Variants in CARD9 observed in about 807,000 individuals in gnomAD.
CARD9 encodes the protein caspase recruitment domain family member 9.
CARD9 carries 53 observed loss-of-function variants against 66.0 expected under a neutral mutation model. The ratio of observed to expected loss-of-function variants is 0.80; its 90% CI spans 0.64 to 1.01. CARD9 has a LOEUF of 1.01. Ranked by LOEUF, CARD9 falls within the 50% of genes least tolerant of loss-of-function variation. The pLI is 0.00. For synonymous variants in CARD9, 387 were observed against 313.8 expected, an observed-to-expected ratio of 1.23 and a Z score of -2.47; for missense variants, 769 against 743.2, an observed-to-expected ratio of 1.03 and a Z score of -0.40.
chr9:136,372,324 C>T (rs931116568), intron 1 of CARD9, among the ~76,000 whole-genome samples: 3 of 152,202 alleles, frequency 2.0e-5, no homozygotes, highest in African/African-American at 7.2e-5. Flanking sequence ...CAGCCGAGGG[C>T]CCCTCCGCAG....
At chr9:136,365,445 C>A (rs539742460) in intron 10 of CARD9, 1 of 578,204 alleles carries the variant, frequency 1.7e-6, no homozygotes, top group Non-Finnish European at 3.1e-6. Flanking sequence ...CCAGGCCCAA[C>A]GCTCCCGCCA....
chr9:136,367,539 A>G lies in CARD9; in HGVS notation c.1269+98T>C, dbSNP rs3812556. 261,473 of 1,396,278 alleles carry G rather than the reference A, an allele frequency of 0.19. 24,884 individuals are homozygous for G. Among genetic ancestry groups the G allele is most frequent in the East Asian group, 0.24 (9,422 of 39,998 alleles). The allele number at this position is 1,396,278 out of a possible 1,614,324, so 86.5% of individuals were successfully genotyped here. On this transcript the variant is annotated intron_variant, in intron 8 of 12. Transcript: ENST00000371732. The stretch of plus-strand genomic sequence containing the variant: ...GGTTAGGTTGGGGCCCGTCACAGAG[A>G]AGGGTTGGGTCGGGAAGGCCGGGGC...
rs767094927 is a variant in CARD9, at chr9:136,370,888, C to G, written c.580G>C (p.Glu194Gln). The change falls in exon 4 of 13, where the codon GAG becomes CAG. Residue 194 changes from glutamate (E) to glutamine (Q), a missense_variant. Glu to Gln is a conservative substitution (Grantham distance 29). Coordinates refer to ENST00000371732, the MANE Select transcript of CARD9 (RefSeq NM_052813.5). ...CGCATGAGCGCGGCGCCCTTCTCCT[C>G]ACTCTGGTGCGCCAGGCGCATGGCC... ...DLAMRLAHQS[E>Q]EKGAALMRNR... The G allele has an allele frequency of 6.2e-7, 1 of 1,607,820 alleles. No individual in the cohort carries two copies. Among genetic ancestry groups the G allele is most frequent in the Non-Finnish European group, 8.5e-7 (1 of 1,176,194 alleles).
Position 136,365,235 on chromosome 9 carries a change from G to A in CARD9, c.1358-18C>T. The A allele has an allele frequency of 6.2e-7, 1 of 1,604,964 alleles. No individual in the cohort carries two copies. The highest frequency in any genetic ancestry group is 8.5e-7 in the Non-Finnish European group (1 of 1,179,518). On this transcript the variant is annotated intron_variant, in intron 10 of 12. Coordinates refer to ENST00000371732, the MANE Select transcript of CARD9 (RefSeq NM_052813.5). ...AAGGCAGCCTGGAAAGGAGAGTCGT[G>A]CCTGTGGGACCTGCCCATCTGCTGG...
chr9:136,372,230 G>C, intron 1 of CARD9, 136 bp from the exon 2 acceptor site: 12 of 1,227,178 alleles, frequency 9.8e-6, no homozygotes, highest in Non-Finnish European at 1.4e-5. Flanking sequence ...GCATCCAGGA[G>C]AGGTGCCCAG....
Position 136,364,493 on chromosome 9 carries a change from T to C in CARD9, c.1501A>G (p.Asn501Asp). 6.5e-7 allele frequency: 1 copy of C among 1,539,870 alleles called. No homozygotes were observed. Among genetic ancestry groups the C allele is most frequent in the Non-Finnish European group, 8.7e-7 (1 of 1,146,826 alleles). The change falls in exon 12 of 13, where the codon AAC becomes GAC. Residue 501 changes from asparagine (N) to aspartate (D), a missense_variant. Coordinates refer to ENST00000371732, the MANE Select transcript of CARD9 (RefSeq NM_052813.5). ...GGGCCGCCCGCCTACCTGCGGTAGT[T>C]CTCAAAACTCTCTTTGAGGCGCCGC... ...ERRRLKESFE[N>D]YRRKRALRKM...
rs377431254 is a variant in CARD9, at chr9:136,372,042, C to G, written c.37G>C (p.Val13Leu). 1 of 1,612,784 alleles carries G rather than the reference C, an allele frequency of 6.2e-7. No individual in the cohort carries two copies. The highest frequency in any genetic ancestry group is 1.7e-5 in the Admixed American group (1 of 60,018). Residue 13 changes from valine (V) to leucine (L), a missense_variant, in exon 2 of 13, where the codon GTC becomes CTC. Transcript: ENST00000371732. ...AGCGTCACCCGGAAGCCCTCCAGGA[C>G]GCTCCAGCACTCGTCATCGTTCTCG... is the stretch of plus-strand genomic sequence containing the variant. ...DYENDDECWS[V>L]LEGFRVTLTS...
Position 136,370,540 on chromosome 9 carries a change from C to T in CARD9, c.789G>A (p.Glu263=). 6.2e-7 allele frequency: 1 copy of T among 1,603,274 alleles called. No individual in the cohort carries two copies. The highest frequency in any genetic ancestry group is 8.5e-7 in the Non-Finnish European group (1 of 1,176,412). ...GCCCCACCTGGACGGAGGCCTCCAGCTCCTGCACCCGGGCCTGGAGCAGGG... is the reference window on the plus strand; with the variant it reads ...GCCCCACCTGGACGGAGGCCTCCAGTTCCTGCACCCGGGCCTGGAGCAGGG... ...EKALLQARVQ[E]LEASVQEGKL... The change falls in exon 5 of 13, where the codon GAG becomes GAA. Residue 263 remains glutamate (E), a synonymous_variant. Transcript: ENST00000371732.
chr9:136,371,587 T>C, intron 2 of CARD9, 126 bp from the exon 3 acceptor site: 2 of 1,412,782 alleles, frequency 1.4e-6, no homozygotes, highest in Admixed American at 2.1e-5. Context: ...GTCTGGGTCT[T>C]GGATGAGGTA....
At chr9:136,364,622 C>T (rs894082607) in intron 11 of CARD9, 63 bp from the exon 12 acceptor site, 13 of 1,476,426 alleles carry the variant, frequency 8.8e-6, no homozygotes, top group African/African-American at 5.6e-5. Context: ...CCTTCTCACC[C>T]GCCCCCCACT....
chr9:136,371,145 T>G lies in CARD9; in HGVS notation c.323A>C (p.Asp108Ala). ...EPARVFSMII[D>A]ASGESGLTQL... ...AGTCAGGCCTGACTCCCCGGACGCG[T>G]CTGTGGGCCAGGCCAGTGTCAGATG... is the stretch of plus-strand genomic sequence containing the variant. The change falls in exon 4 of 13, where the codon GAC (aspartate) becomes GCC (alanine). Residue 108 changes from aspartate to alanine, a missense_variant and splice_region_variant. Physicochemically the swap from Asp to Ala is moderately radical, Grantham distance 126. Coordinates refer to ENST00000371732, the MANE Select transcript of CARD9 (RefSeq NM_052813.5). 6.2e-7 allele frequency: 1 copy of G among 1,612,114 alleles called. No individual in the cohort carries two copies. The highest frequency in any genetic ancestry group is 8.5e-7 in the Non-Finnish European group (1 of 1,179,730).
chr9:136,369,474 T>C (rs1362927995), intron 7 of CARD9, among the ~76,000 whole-genome samples: 2 of 152,204 alleles, frequency 1.3e-5, no homozygotes, highest in Non-Finnish European at 2.9e-5. Flanking sequence ...GACTTCATCA[T>C]CGTTTACTTT....
Position 136,370,617 on chromosome 9 carries a change from T to C in CARD9, c.712A>G (p.Met238Val), listed in dbSNP as rs1833241325. The C allele has an allele frequency of 6.2e-7, 1 of 1,612,730 alleles. No homozygotes were observed. The highest frequency in any genetic ancestry group is 8.5e-7 in the Non-Finnish European group (1 of 1,179,914). Residue 238 changes from methionine (M) to valine (V), a missense_variant, in exon 5 of 13, where the codon ATG becomes GTG. By Grantham distance (21) the Met-to-Val change is conservative. Coordinates refer to ENST00000371732, the MANE Select transcript of CARD9 (RefSeq NM_052813.5). ...AGCTCCTGGCTGGGCCGCTGCTCCA[T>C]GGCGTGCCTGAGCTTCAGCGTGTGC... Reference protein sequence around the residue: ...RKHTLKLRHAMEQRPSQELLW... With the variant: ...RKHTLKLRHAVEQRPSQELLW...
chr9:136,369,839 G>C lies in CARD9; in HGVS notation c.988C>G (p.Leu330Val). The change falls in exon 7 of 13, where the codon CTG (leucine) becomes GTG (valine). Residue 330 changes from leucine to valine, a missense_variant. By Grantham distance (32) the Leu-to-Val change is conservative (BLOSUM62 1). Transcript: ENST00000371732. Reference protein sequence around the residue: ...EEKEMFELQCLALRKDSKMYK... With the variant: ...EEKEMFELQCVALRKDSKMYK... ...ATCTTGGAGTCCTTACGTAGTGCCA[G>C]GCACTGCAGCTCGAACATCTCCTTC... is the stretch of plus-strand genomic sequence containing the variant. The C allele has an allele frequency of 3.7e-6, 6 of 1,612,896 alleles. No individual in the cohort carries two copies. Among genetic ancestry groups the C allele is most frequent in the Non-Finnish European group, 5.1e-6 (6 of 1,180,008 alleles).
intron 7 of CARD9, 63 bp from the exon 8 acceptor site, chr9:136,367,891 C>T: frequency 6.6e-7 from 1 of 1,523,010 alleles, no homozygotes; most frequent in Middle Eastern, 1.7e-4. Context: ...GGCCCTCGGC[C>T]CGGCCGCCCA....
rs1381011428 is a variant in CARD9 at position 136,372,138 on chromosome 9, C to T, written c.-16-44G>A. On this transcript the variant is annotated intron_variant, in intron 1 of 12. Coordinates refer to ENST00000371732, the MANE Select transcript of CARD9 (RefSeq NM_052813.5). ...TGCTGAGAGCGATGCCGGCTCCTGCCCCCACCCGGGCCCAGCTCCCACTCC... is the reference window on the plus strand; with the variant it reads ...TGCTGAGAGCGATGCCGGCTCCTGCTCCCACCCGGGCCCAGCTCCCACTCC... 1.9e-6 allele frequency: 3 copies of T among 1,602,122 alleles called. No individual in the cohort carries two copies. In the African/African-American group the frequency reaches 4.0e-5, roughly 21 times the overall value.
chr9:136,366,925 G>A (rs1207446334), intron 9 of CARD9, 80 bp from the exon 10 acceptor site: 3 of 1,524,220 alleles, frequency 2.0e-6, no homozygotes, highest in Admixed American at 1.7e-5. Flanking sequence ...CCCAGCCCTT[G>A]GCCCTCAGCT....
In CARD9 at chr9:136,364,663, C is replaced by G. The variant is rs80232816; in HGVS notation, c.1435-104G>C. On this transcript the variant is annotated intron_variant, in intron 11 of 12. Transcript: ENST00000371732. ...CTGTAACTGCAGACTGGTTGGGAGG[C>G]GAGGAGCCCAGACAGCCTCAGCTCA... 881 of 1,182,506 alleles carry G rather than the reference C, an allele frequency of 7.5e-4. 16 individuals carry two copies. The East Asian group carries it at 0.02, about 26-fold the overall frequency. 73.3% of individuals were successfully genotyped at this position (1,182,506 alleles called of 1,614,324 possible). A position where few individuals can be genotyped will look rare whatever the true frequency, so the allele number is the denominator to read the frequency against.
chr9:136,373,341 T>C (rs1469473359), intron 1 of CARD9, among the ~76,000 whole-genome samples, 191 bp downstream of exon 1: 1 of 152,246 alleles, frequency 6.6e-6, no homozygotes, highest in Non-Finnish European at 1.5e-5. Flanking sequence ...GGGTCCCATC[T>C]GCCACCGTAA....
Sources: allele counts gnomAD v4.1 joint callset (sites outside exome capture counted in the v4.1 genomes callset), GRCh38; gene constraint gnomAD v4.1.1; transcripts MANE v1.5; gene names NCBI Gene and HGNC (gene_info 2026-07-23, HGNC 2026-07-21).